Variants in VAMP7 observed in about 807,000 individuals in gnomAD.
The protein encoded by VAMP7 is vesicle associated membrane protein 7.
In VAMP7, 14 loss-of-function variants were observed where a neutral mutation model predicts 29.6. That is an observed-to-expected ratio of 0.47 (90% CI 0.31 to 0.74). The LOEUF (loss-of-function observed/expected upper bound fraction) is 0.74. Ranked by LOEUF, VAMP7 falls within the 30% of genes least tolerant of loss-of-function variation. VAMP7 has a pLI of 0.05. For synonymous variants in VAMP7, 95 were observed against 88.1 expected, an observed-to-expected ratio of 1.08 and a Z score of -0.44; for missense variants, 223 against 262.4, an observed-to-expected ratio of 0.85 and a Z score of 1.04.
At chrX:155,930,039 A>G (rs5983832) in intron 6 of VAMP7, among the ~76,000 whole-genome samples, 97,503 of 152,050 alleles carry the variant, frequency 0.64, 31,638 homozygotes, top group African/African-American at 0.75. Flanking sequence ...GGAAGATACC[A>G]AATGTAGAGC....
At chrX:155,928,648 T>C (rs2124375881) in intron 6 of VAMP7, among the ~76,000 whole-genome samples, 1 of 152,312 alleles carries the variant, frequency 6.6e-6, no homozygotes, top group East Asian at 1.9e-4. Flanking sequence ...ACTCTCTTCA[T>C]CTCAAGATTC....
At position 155,889,607 on chromosome X, in the gene VAMP7, T is replaced by C. The variant is rs747716460; in HGVS notation, c.141T>C (p.His47=). Residue 47 remains histidine (H), a synonymous_variant, in exon 2 of 8, where the codon CAT becomes CAC. Coordinates refer to ENST00000286448, the MANE Select transcript of VAMP7 (RefSeq NM_005638.6). ...AAAATAACAAACTAACGTACTCACA[T>C]GGCAAGTGAGTTCTGTTCTGCATGT... The part of the protein sequence containing the change: ...PSENNKLTYS[H]GNYLFHYICQ... 15 of 1,613,880 alleles carry C rather than the reference T, an allele frequency of 9.3e-6. No homozygotes were observed. The highest frequency in any genetic ancestry group is 1.2e-5 in the Non-Finnish European group (14 of 1,179,832).
In VAMP7 at chrX:155,942,372, A is replaced by T; in HGVS notation, c.*421A>T. The T allele has an allele frequency of 1.8e-6, 1 of 551,460 alleles. No homozygotes were observed. The highest frequency in any genetic ancestry group is 3.0e-5 in the South Asian group (1 of 32,962). 34.2% of individuals were successfully genotyped at this position (551,460 alleles called of 1,614,324 possible). A position where few individuals can be genotyped will look rare whatever the true frequency, so the allele number is the denominator to read the frequency against. ...ACATCTCATCTTAATGTCTTTTGTT[A>T]TTGAGAAGTTTTAGGTGCTTCAAAA... On this transcript the variant is annotated 3_prime_UTR_variant, in exon 8 of 8. Coordinates refer to ENST00000286448, the MANE Select transcript of VAMP7 (RefSeq NM_005638.6).
intron 5 of VAMP7, among the ~76,000 whole-genome samples, chrX:155,904,039 G>A (rs2066110016): frequency 6.6e-6 from 1 of 151,888 alleles, no homozygotes. Flanking sequence ...AAAATGATGA[G>A]TTCATGTCCT....
At chrX:155,906,504 T>C (rs992810899) in intron 5 of VAMP7, among the ~76,000 whole-genome samples, 27 of 152,182 alleles carry the variant, frequency 1.8e-4, no homozygotes, top group Non-Finnish European at 3.5e-4. Flanking sequence ...TTTTAACCAG[T>C]GTCAGAATAA....
intron 2 of VAMP7, among the ~76,000 whole-genome samples, chrX:155,891,513 C>G (rs1042186958): frequency 5.9e-5 from 9 of 152,122 alleles, no homozygotes; most frequent in Non-Finnish European, 1.3e-4. Flanking sequence ...CCCAGCCTAA[C>G]CCAGTAGACA....
intron 5 of VAMP7, among the ~76,000 whole-genome samples, chrX:155,915,964 C>G (rs1370021488): frequency 1.3e-5 from 2 of 152,162 alleles, no homozygotes; most frequent in African/African-American, 4.8e-5. Context: ...GTGTTAAAGT[C>G]TCCTACTATT....
chrX:155,920,512 G>T (rs1044516596), intron 6 of VAMP7, among the ~76,000 whole-genome samples: 1 of 152,176 alleles, frequency 6.6e-6, no homozygotes, highest in Non-Finnish European at 1.5e-5. Flanking sequence ...AATTATAAAT[G>T]TAAATGTACA....
intron 6 of VAMP7, among the ~76,000 whole-genome samples, chrX:155,928,594 G>A (rs927132055): frequency 2.0e-5 from 3 of 152,114 alleles, no homozygotes; most frequent in Admixed American, 1.3e-4. Context: ...CTCCTATAGA[G>A]ACATTTGTGA....
rs773934591 is a variant in VAMP7, at chrX:155,895,391, A to G, written c.147-232A>G. Among the ~76,000 whole-genome samples the G allele has an allele frequency of 2.6e-5, 4 of 152,306 alleles. No homozygotes were observed. In the South Asian group the frequency reaches 8.3e-4, roughly 32 times the overall value. ...GCTATCGTTCTAATGGGTAATACAC[A>G]TGCTGTTGTGCTATGTAGCTAGAAT... is the stretch of plus-strand genomic sequence containing the variant. On this transcript the variant is annotated intron_variant, in intron 2 of 7. Transcript: ENST00000286448.
intron 5 of VAMP7, among the ~76,000 whole-genome samples, chrX:155,917,394 C>T (rs745348584): frequency 1.3e-5 from 2 of 151,952 alleles, no homozygotes; most frequent in East Asian, 3.9e-4. Flanking sequence ...CCAGTTTGTT[C>T]TCTTGGAATT....
intron 6 of VAMP7, among the ~76,000 whole-genome samples, chrX:155,935,894 CTGTT>C (rs2066645970): frequency 6.6e-6 from 1 of 152,036 alleles, no homozygotes; most frequent in Non-Finnish European, 1.5e-5. Flanking sequence ...GATGTCCTTT[CTGTT>C]TGTTAGTTTT....
intron 6 of VAMP7, among the ~76,000 whole-genome samples, chrX:155,925,766 CAGTG>C (rs1212973900): frequency 6.6e-6 from 1 of 152,126 alleles, no homozygotes; most frequent in Non-Finnish European, 1.5e-5. Flanking sequence ...GCATTTATCT[CAGTG>C]AGCAGAGGGG....
chrX:155,930,185 A>G (rs773029845), intron 6 of VAMP7, among the ~76,000 whole-genome samples: 8 of 152,274 alleles, frequency 5.3e-5, no homozygotes, highest in South Asian at 2.1e-4. Context: ...GGGTTTCATT[A>G]TGTAGGCATT....
At chrX:155,884,550 C>G (rs115493374) in intron 1 of VAMP7, among the ~76,000 whole-genome samples, 6,604 of 152,234 alleles carry the variant, frequency 0.043, 230 homozygotes, top group African/African-American at 0.088. Context: ...TCATGACTGT[C>G]GTGAATTTAG....
chrX:155,922,683 G>A (rs1017963062), intron 6 of VAMP7, among the ~76,000 whole-genome samples: 1 of 151,884 alleles, frequency 6.6e-6, no homozygotes, highest in African/African-American at 2.4e-5. Context: ...TTAGGTTTTG[G>A]TATCAGGAAT....
At chrX:155,898,371 A>T in intron 4 of VAMP7, 122 bp downstream of exon 4, 1 of 1,305,562 alleles carries the variant, frequency 7.7e-7, no homozygotes, top group Non-Finnish European at 1.0e-6. Flanking sequence ...GTAAGCCAAC[A>T]TAATAAAACT....
At position 155,905,840 on chromosome X, in the gene VAMP7, T is replaced by A. The variant is rs28857012; in HGVS notation, c.433+5253T>A. 2.0e-5 allele frequency among the ~76,000 whole-genome samples: 3 copies of A among 152,156 alleles called. No homozygotes were observed. In the South Asian group the frequency reaches 6.2e-4, roughly 32 times the overall value. On this transcript the variant is annotated intron_variant, in intron 5 of 7. Transcript: ENST00000286448. ...TCAGGAAATATTCATCTTCCAACTT[T>A]ATTCTTTCTCAAAATTGCTTTGACT...
rs180880021 is a variant in VAMP7, at chrX:155,935,492, C to T, written c.502-4209C>T. ...TACCCTTTCTTCCAGTTGTTCGAAT[C>T]GGCTACTGAAGTTTGTGCATTCGTC... On this transcript the variant is annotated intron_variant, in intron 6 of 7. Coordinates refer to ENST00000286448, the MANE Select transcript of VAMP7 (RefSeq NM_005638.6). Among the ~76,000 whole-genome samples the T allele has an allele frequency of 5.3e-5, 8 of 152,250 alleles. No homozygotes were observed. In the East Asian group the frequency reaches 9.6e-4, roughly 18 times the overall value.
Sources: gnomAD v4.1 joint callset for allele counts (sites outside exome capture counted in the v4.1 genomes callset) on GRCh38, gnomAD v4.1.1 for gene constraint, MANE v1.5 for transcripts, NCBI Gene and HGNC (gene_info 2026-07-23, HGNC 2026-07-21) for gene names.